Variants in VIP observed in about 807,000 individuals in gnomAD.
The protein encoded by VIP is vasoactive intestinal peptide, also known as VIP peptides.
Under a neutral mutation model 20.1 loss-of-function variants are expected in VIP, and 18 were observed. That is an observed-to-expected ratio of 0.90 (90% CI 0.62 to 1.33). VIP has a LOEUF of 1.33. Among genes scored for constraint, VIP ranks in the 40% most tolerant of loss-of-function variants. VIP has a pLI of 0.00. For synonymous variants in VIP, 70 were observed against 68.1 expected (o/e 1.03, Z -0.14); for missense variants, 209 against 199.4 (o/e 1.05, Z -0.29).
At position 152,757,244 on chromosome 6, in the gene VIP, C is replaced by G. The variant is rs193007766; in HGVS notation, c.*43+60C>G. ...TGGCTGTCTCTGATTATATAAGTAG[C>G]TAAGAGTCACTTAGTAAGAAACATC... On this transcript the variant is annotated intron_variant, in intron 6 of 6. Transcript: ENST00000367244. 531 of 1,098,742 alleles carry G rather than the reference C, an allele frequency of 4.8e-4. 2 individuals carry two copies. In the African/African-American group the frequency reaches 7.4e-3, roughly 15 times the overall value. The allele number at this position is 1,098,742 out of a possible 1,614,324, so 68.1% of individuals were successfully genotyped here.
chr6:152,756,312 TC>T (rs747995145), intron 5 of VIP, 47 bp downstream of exon 5: 2 of 1,576,988 alleles, frequency 1.3e-6, no homozygotes, highest in Admixed American at 3.6e-5. Context: ...TGACTGACTT[TC>T]AAAATAGAAG....
Position 152,759,294 on chromosome 6 carries a change from T to G in VIP, c.*428T>G, listed in dbSNP as rs2099730879. Reference sequence around the variant, plus strand: ...GAGAGTAGAACAGATAATCAGTGTGTCTAAATTTGAATGTTAAGCAGATGG... The same window carrying G: ...GAGAGTAGAACAGATAATCAGTGTGGCTAAATTTGAATGTTAAGCAGATGG... On this transcript the variant is annotated 3_prime_UTR_variant, in exon 7 of 7. Transcript: ENST00000367244. 6.6e-6 allele frequency: 1 copy of G among 152,000 alleles called. No individual in the cohort carries two copies. The highest frequency in any genetic ancestry group is 2.4e-5 in the African/African-American group (1 of 41,412). 9.4% of individuals were successfully genotyped at this position (152,000 alleles called of 1,614,324 possible).
At chr6:152,751,927 C>T (rs894636616) in intron 1 of VIP, among the ~76,000 whole-genome samples, 27 of 152,124 alleles carry the variant, frequency 1.8e-4, no homozygotes, top group Admixed American at 1.4e-3. Context: ...TCAATAGATA[C>T]TGGGGCCAAC....
intron 2 of VIP, among the ~76,000 whole-genome samples, chr6:152,753,116 A>G (rs1190851012): frequency 6.6e-6 from 1 of 152,170 alleles, no homozygotes; most frequent in Admixed American, 6.6e-5. Flanking sequence ...CAGAGAGAAT[A>G]ACCTCTTAGC....
chr6:152,752,320 C>T (rs945314435), intron 2 of VIP, 36 bp downstream of exon 2: 1 of 1,521,006 alleles, frequency 6.6e-7, no homozygotes, highest in African/African-American at 1.4e-5. Context: ...CTGAACATTC[C>T]TTCCTCATCT....
Position 152,754,401 on chromosome 6 carries a change from T to C in VIP, c.230+113T>C, listed in dbSNP as rs138831225. ...TGAAGCTATTCCGATAGCAAAACACTAGAGGTTTCTATGTGTCATGGCTTC... is the reference window on the plus strand; with the variant it reads ...TGAAGCTATTCCGATAGCAAAACACCAGAGGTTTCTATGTGTCATGGCTTC... On this transcript the variant is annotated intron_variant, in intron 3 of 6. Coordinates refer to ENST00000367244, the MANE Select transcript of VIP (RefSeq NM_003381.4). 611 of 996,054 alleles carry C rather than the reference T, an allele frequency of 6.1e-4. 4 individuals are homozygous for C. In the African/African-American group the frequency reaches 9.2e-3, roughly 15 times the overall value. 61.7% of individuals were successfully genotyped at this position (996,054 alleles called of 1,614,324 possible).
chr6:152,755,536 C>G lies in VIP; in HGVS notation c.335+163C>G, dbSNP rs566390067. 5.3e-5 allele frequency among the ~76,000 whole-genome samples: 8 copies of G among 152,028 alleles called. 1 individual carries two copies. In the South Asian group the frequency reaches 1.4e-3, roughly 28 times the overall value. The stretch of plus-strand genomic sequence containing the variant: ...ACTTGTATTCTTCAATAACATCTAT[C>G]AAGCCCATGGACTAAGACTTTTTCA... On this transcript the variant is annotated intron_variant, in intron 4 of 6. Coordinates refer to ENST00000367244, the MANE Select transcript of VIP (RefSeq NM_003381.4).
At position 152,759,477 on chromosome 6, in the gene VIP, G is replaced by A. The variant is rs567476615; in HGVS notation, c.*611G>A. Reference sequence around the variant, plus strand: ...TTTTAAAAAATCTCAAATTTGGATTGCTAATCACCAAAGGCTCTCTCCTGA... The same window carrying A: ...TTTTAAAAAATCTCAAATTTGGATTACTAATCACCAAAGGCTCTCTCCTGA... On this transcript the variant is annotated 3_prime_UTR_variant, in exon 7 of 7. Coordinates refer to ENST00000367244, the MANE Select transcript of VIP (RefSeq NM_003381.4). The A allele has an allele frequency of 2.0e-5, 3 of 151,666 alleles. No homozygotes were observed. The highest frequency in any genetic ancestry group is 6.6e-5 in the Admixed American group (1 of 15,210). The allele number at this position is 151,666 out of a possible 1,614,324, so 9.4% of individuals were successfully genotyped here. A position where few individuals can be genotyped will look rare whatever the true frequency, so the allele number is the denominator to read the frequency against.
chr6:152,756,567 C>T (rs1481563307), intron 5 of VIP, among the ~76,000 whole-genome samples: 2 of 151,928 alleles, frequency 1.3e-5, no homozygotes, highest in African/African-American at 2.4e-5. Context: ...ACTATACAGA[C>T]ATCTAGTCTG....
intron 5 of VIP, 40 bp downstream of exon 5, chr6:152,756,305 C>A (rs1367939792): frequency 6.3e-7 from 1 of 1,583,326 alleles, no homozygotes; most frequent in South Asian, 1.2e-5. Flanking sequence ...GGAATCATGA[C>A]TGACTTTCAA....
chr6:152,756,965 A>G (rs1364368941), intron 5 of VIP, 131 bp from the exon 6 acceptor site: 4 of 745,206 alleles, frequency 5.4e-6, no homozygotes, highest in East Asian at 5.6e-5. Context: ...ACAAACCTCA[A>G]AGATAATTGT....
rs575024297 is a variant in VIP, at chr6:152,756,125, G to A, written c.336-9G>A. On this transcript the variant is annotated splice_polypyrimidine_tract_variant and intron_variant, in intron 4 of 6. Coordinates refer to ENST00000367244, the MANE Select transcript of VIP (RefSeq NM_003381.4). ...AACTCTTTGATTTCCTTTTCCTCAT[G>A]TTCCTTAGCAGTAACATCTCAGAAG... The A allele has an allele frequency of 4.4e-5, 67 of 1,529,598 alleles. 1 individual carries two copies. In the South Asian group the frequency reaches 6.3e-4, roughly 14 times the overall value. 94.8% of individuals were successfully genotyped at this position (1,529,598 alleles called of 1,614,324 possible).
chr6:152,754,941 A>T (rs1002745773), intron 3 of VIP, among the ~76,000 whole-genome samples: 2 of 151,992 alleles, frequency 1.3e-5, no homozygotes, highest in Non-Finnish European at 2.9e-5. Context: ...AATAGCAGCT[A>T]ATTTAAATAG....
intron 5 of VIP, 72 bp downstream of exon 5, chr6:152,756,337 C>G: frequency 6.6e-7 from 1 of 1,508,390 alleles, no homozygotes; most frequent in South Asian, 1.3e-5. Context: ...CACATGGAGA[C>G]CTCTCTATCT....
At chr6:152,756,329 C>G (rs912164137) in intron 5 of VIP, 64 bp downstream of exon 5, 69 of 1,535,092 alleles carry the variant, frequency 4.5e-5, no homozygotes, top group Non-Finnish European at 5.9e-5. Context: ...AGAAGCTGCA[C>G]ATGGAGACCT....
At position 152,756,279 on chromosome 6, in the gene VIP, G is replaced by C; in HGVS notation, c.467+14G>C. 6.2e-7 allele frequency: 1 copy of C among 1,600,836 alleles called. No individual in the cohort carries two copies. Among genetic ancestry groups the C allele is most frequent in the Non-Finnish European group, 8.5e-7 (1 of 1,174,724 alleles). The stretch of plus-strand genomic sequence containing the variant: ...TGGAAAGAGGAGGTAAAGAAAAAGA[G>C]AACTTGCTAAAATGAGGAATCATGA... On this transcript the variant is annotated intron_variant, in intron 5 of 6. Transcript: ENST00000367244.
At chr6:152,756,108 G>A in intron 4 of VIP, 26 bp from the exon 5 acceptor site, 1 of 1,496,710 alleles carries the variant, frequency 6.7e-7, no homozygotes, top group Non-Finnish European at 8.9e-7. Context: ...AAAACTCTTT[G>A]ATTTCCTTTT....
intron 4 of VIP, 42 bp from the exon 5 acceptor site, chr6:152,756,092 C>T (rs780738495): frequency 5.5e-6 from 8 of 1,463,510 alleles, no homozygotes; most frequent in Non-Finnish European, 7.2e-6. Context: ...TTTATCATTT[C>T]TTGTGAAAAC....
Position 152,754,266 on chromosome 6 carries a change from A to C in VIP, c.208A>C (p.Thr70Pro), listed in dbSNP as rs918092416. The C allele has an allele frequency of 2.5e-6, 4 of 1,611,068 alleles. No individual in the cohort carries two copies. The highest frequency in any genetic ancestry group is 1.7e-4 in the Middle Eastern group (1 of 6,034). Residue 70 changes from threonine to proline, a missense_variant, in exon 3 of 7, where the codon ACA becomes CCA. Transcript: ENST00000367244. ...GCAAAATGCATTAGCTGAAAATGAC[A>C]CACCCTATTATGATGTATCCAGGTG... ...MLQNALAEND[T>P]PYYDVSRNAR...
Sources: gnomAD v4.1 joint callset for allele counts (sites outside exome capture counted in the v4.1 genomes callset) on GRCh38, gnomAD v4.1.1 for gene constraint, MANE v1.5 for transcripts, NCBI Gene and HGNC (gene_info 2026-07-23, HGNC 2026-07-21) for gene names.